PACRG: variants seen among roughly 807,000 people sequenced by gnomAD.
The protein encoded by PACRG is parkin coregulated.
In PACRG, 29 loss-of-function variants were observed where a neutral mutation model predicts 29.7. The ratio of observed to expected loss-of-function variants is 0.98; its 90% confidence interval spans 0.73 to 1.33. PACRG has a LOEUF of 1.33. PACRG is among the 40% of genes most tolerant of loss of function. PACRG has a pLI of 0.00. For missense variants in PACRG, 279 were observed against 316.2 expected (o/e 0.88, Z 0.89); for synonymous variants, 116 against 118.7 (o/e 0.98, Z 0.15).
rs1023909899 is a variant in PACRG at position 163,186,477 on chromosome 6, C to T, written c.613+97069C>T. Reference sequence around the variant, plus strand: ...ACTTGTCATTCTAAACTTGCCACCTCTGTCCTCAGCATGGGGCCAGTGTGG... The same window carrying T: ...ACTTGTCATTCTAAACTTGCCACCTTTGTCCTCAGCATGGGGCCAGTGTGG... On this transcript the variant is annotated intron_variant, in intron 4 of 4. Transcript: ENST00000366888. 4.6e-5 allele frequency among the ~76,000 whole-genome samples: 7 copies of T among 152,306 alleles called. No individual in the cohort carries two copies. The South Asian group carries it at 1.5e-3, about 32-fold the overall frequency.
intron 3 of PACRG, among the ~76,000 whole-genome samples, chr6:163,070,562 AAAGC>A (rs1442137811): frequency 1.3e-5 from 2 of 152,088 alleles, no homozygotes; most frequent in Non-Finnish European, 2.9e-5. Flanking sequence ...CATAAAATAA[AAAGC>A]AAGAAATCAA....
intron 4 of PACRG, among the ~76,000 whole-genome samples, chr6:163,201,443 A>G (rs1780694181): frequency 6.6e-6 from 1 of 152,214 alleles, no homozygotes; most frequent in South Asian, 2.1e-4. Context: ...GCTACAAAGC[A>G]GAAGAGCCTC....
chr6:163,167,273 A>G (rs1040581359), intron 4 of PACRG, among the ~76,000 whole-genome samples: 3 of 152,216 alleles, frequency 2.0e-5, no homozygotes, highest in African/African-American at 7.2e-5. Context: ...TATTTCCTAT[A>G]TGCGATAAGC....
chr6:163,145,501 G>A (rs1465261255), intron 4 of PACRG, among the ~76,000 whole-genome samples: 2 of 152,180 alleles, frequency 1.3e-5, no homozygotes, highest in Non-Finnish European at 2.9e-5. Flanking sequence ...CACAGCACTT[G>A]TTTTCCTGTC....
At chr6:162,886,213 G>T (rs1476875602) in intron 2 of PACRG, among the ~76,000 whole-genome samples, 1 of 152,072 alleles carries the variant, frequency 6.6e-6, no homozygotes, top group Non-Finnish European at 1.5e-5. Flanking sequence ...ATGAGCCATT[G>T]CCCCCGGGCT....
chr6:163,199,506 A>G (rs1427514295), intron 4 of PACRG, among the ~76,000 whole-genome samples: 1 of 152,190 alleles, frequency 6.6e-6, no homozygotes, highest in African/African-American at 2.4e-5. Context: ...AAACCCAGCC[A>G]CAGAGCAGGC....
At chr6:162,836,360 C>A (rs1462034110) in intron 2 of PACRG, among the ~76,000 whole-genome samples, 5 of 152,080 alleles carry the variant, frequency 3.3e-5, no homozygotes, top group Admixed American at 3.3e-4. Flanking sequence ...GAAGCAGAAG[C>A]CTCCTCCTCT....
At chr6:163,181,775 A>G (rs1430165383) in intron 4 of PACRG, among the ~76,000 whole-genome samples, 1 of 152,088 alleles carries the variant, frequency 6.6e-6, no homozygotes, top group Admixed American at 6.5e-5. Flanking sequence ...GTTTTAACTC[A>G]CGGGGAAAAA....
At chr6:162,860,474 G>A (rs1791772719) in intron 2 of PACRG, among the ~76,000 whole-genome samples, 1 of 152,196 alleles carries the variant, frequency 6.6e-6, no homozygotes, top group Non-Finnish European at 1.5e-5. Context: ...GTAAACTTGA[G>A]TCCCACTCGC....
chr6:163,013,744 T>C (rs1805830248), intron 2 of PACRG, among the ~76,000 whole-genome samples: 1 of 152,334 alleles, frequency 6.6e-6, no homozygotes, highest in African/African-American at 2.4e-5. Context: ...CAAGATAATG[T>C]ATTTTACATA....
At chr6:163,086,784 A>T (rs934403972) in intron 3 of PACRG, among the ~76,000 whole-genome samples, 8 of 152,166 alleles carry the variant, frequency 5.3e-5, no homozygotes, top group Non-Finnish European at 1.0e-4. Context: ...AGCACTTAGG[A>T]TAAGTTTGAA....
intron 4 of PACRG, among the ~76,000 whole-genome samples, chr6:163,224,709 A>G (rs1388115724): frequency 6.6e-6 from 1 of 152,210 alleles, no homozygotes; most frequent in Non-Finnish European, 1.5e-5. Flanking sequence ...TTTAAATATA[A>G]GAGTTGGAAC....
chr6:162,776,198 T>C (rs1355344255), intron 1 of PACRG, among the ~76,000 whole-genome samples: 1 of 152,234 alleles, frequency 6.6e-6, no homozygotes, highest in East Asian at 1.9e-4. Flanking sequence ...TTACATAATG[T>C]CATTTTCTGT....
intron 4 of PACRG, among the ~76,000 whole-genome samples, chr6:163,240,509 C>G (rs564969704): frequency 7.7e-4 from 117 of 152,022 alleles, no homozygotes; most frequent in Middle Eastern, 3.4e-3. Context: ...GTCCAATGGT[C>G]GCCTTGCCTG....
intron 2 of PACRG, among the ~76,000 whole-genome samples, chr6:162,983,143 A>C (rs6928443): frequency 0.42 from 62,970 of 151,572 alleles, 13,382 homozygotes; most frequent in East Asian, 0.7. Context: ...CTTTTGGTTT[A>C]CATTTGCATG....
At chr6:162,742,416 G>A (rs1001886923) in intron 1 of PACRG, among the ~76,000 whole-genome samples, 3 of 152,120 alleles carry the variant, frequency 2.0e-5, no homozygotes, top group African/African-American at 7.2e-5. Context: ...GTGGAACTGT[G>A]AGTCTATTAA....
chr6:162,989,027 T>C (rs1284543296), intron 2 of PACRG, among the ~76,000 whole-genome samples: 1 of 152,168 alleles, frequency 6.6e-6, no homozygotes, highest in African/African-American at 2.4e-5. Flanking sequence ...AATATACTTT[T>C]TAAATAGCCC....
At chr6:162,852,738 T>A (rs1035049756) in intron 2 of PACRG, among the ~76,000 whole-genome samples, 1 of 152,230 alleles carries the variant, frequency 6.6e-6, no homozygotes, top group Admixed American at 6.5e-5. Flanking sequence ...AGCCCTGTTA[T>A]AATAAAGCAG....
intron 2 of PACRG, among the ~76,000 whole-genome samples, chr6:162,939,794 T>C (rs1798489556): frequency 6.6e-6 from 1 of 152,166 alleles, no homozygotes; most frequent in South Asian, 2.1e-4. Context: ...TTTATTTTAC[T>C]TCGATTTAAG....
Sources: allele counts gnomAD v4.1 joint callset (sites outside exome capture counted in the v4.1 genomes callset), GRCh38; gene constraint gnomAD v4.1.1; transcripts MANE v1.5; gene names NCBI Gene and HGNC (gene_info 2026-07-23, HGNC 2026-07-21).